HAT1: variants seen among roughly 807,000 people sequenced by gnomAD.
The protein encoded by HAT1 is histone acetyltransferase 1.
HAT1 carries 20 observed loss-of-function variants against 56.6 expected under a neutral mutation model. That is an observed-to-expected ratio of 0.35 (90% CI 0.25 to 0.51). The LOEUF (loss-of-function observed/expected upper bound fraction) is 0.51, where lower values mean the gene tolerates loss of function less well. Ranked by LOEUF, HAT1 falls within the 20% of genes least tolerant of loss-of-function variation. The pLI, the probability that HAT1 is intolerant of heterozygous loss-of-function variation, is 0.95. For missense variants in HAT1, 408 were observed against 504.3 expected, an observed-to-expected ratio of 0.81 and a Z score of 1.83; for synonymous variants, 146 against 165.5, an observed-to-expected ratio of 0.88 and a Z score of 0.91.
rs542857353 is a variant in HAT1, at chr2:171,983,189, A to G, written c.1097A>G (p.Lys366Arg). The G allele has an allele frequency of 1.4e-5, 22 of 1,542,530 alleles. No homozygotes were observed. The South Asian group carries it at 2.7e-4, about 19-fold the overall frequency. ...AAATAATTGTTTGTCACTTAGAAAA[A>G]GCAGAGAGATCTTGCTAAGATGAGA... Reference protein sequence around the residue: ...KRRLISPYKKKQRDLAKMRKC... With the variant: ...KRRLISPYKKRQRDLAKMRKC... The change falls in exon 11 of 11, where the codon AAG (lysine) becomes AGG (arginine). Residue 366 changes from lysine to arginine, a missense_variant. Transcript: ENST00000264108.
intron 3 of HAT1, among the ~76,000 whole-genome samples, chr2:171,947,605 G>A (rs976408985): frequency 5.9e-5 from 9 of 152,180 alleles, no homozygotes; most frequent in Admixed American, 2.6e-4. Context: ...CAGGCCAGGC[G>A]CAGTGGCTCA....
chr2:171,972,418 T>C (rs1296593823), intron 8 of HAT1, among the ~76,000 whole-genome samples: 1 of 152,094 alleles, frequency 6.6e-6, no homozygotes, highest in Non-Finnish European at 1.5e-5. Context: ...CATGCCACCA[T>C]ACTTGGCTAA....
At chr2:171,926,467 G>A (rs1437693430) in intron 2 of HAT1, among the ~76,000 whole-genome samples, 1 of 151,838 alleles carries the variant, frequency 6.6e-6, no homozygotes, top group African/African-American at 2.4e-5. Context: ...CTAATTTTTT[G>A]TATTTTTAGT....
chr2:171,952,955 G>C lies in HAT1; in HGVS notation c.263G>C (p.Arg88Pro). ...GCTGGTAGCCTGTCAACAATGTTCC[G>C]TGTTGAATATGCATCTAAAGTTGAT... ...YIAGSLSTMFRVEYASKVDEN... is the reference protein window; with the variant it reads ...YIAGSLSTMFPVEYASKVDEN... The change falls in exon 4 of 11, where the codon CGT (arginine) becomes CCT (proline). Residue 88 changes from arginine to proline, a missense_variant. Arg to Pro is a moderately radical substitution (Grantham distance 103). Coordinates refer to ENST00000264108, the MANE Select transcript of HAT1 (RefSeq NM_003642.4). The C allele has an allele frequency of 1.9e-6, 3 of 1,585,430 alleles. No homozygotes were observed. Among genetic ancestry groups the C allele is most frequent in the Non-Finnish European group, 2.6e-6 (3 of 1,154,406 alleles).
At chr2:171,923,326 A>G (rs1021704044) in intron 1 of HAT1, 15 of 152,168 alleles carry the variant, frequency 9.9e-5, no homozygotes, top group Admixed American at 9.8e-4. Flanking sequence ...GAGTGCAGCG[A>G]TCATAGTTCC....
At chr2:171,930,253 A>C (rs1380365041) in intron 2 of HAT1, among the ~76,000 whole-genome samples, 2 of 152,100 alleles carry the variant, frequency 1.3e-5, no homozygotes, top group Non-Finnish European at 2.9e-5. Context: ...ACTCACTGCA[A>C]CCTCTGCCTC....
At chr2:171,980,279 CT>C (rs1034468693) in intron 10 of HAT1, 27 of 152,064 alleles carry the variant, frequency 1.8e-4, no homozygotes, top group African/African-American at 6.5e-4. Flanking sequence ...TATATATTCT[CT>C]TTTTTCTCTC....
chr2:171,927,778 T>C (rs1278704243), intron 2 of HAT1, among the ~76,000 whole-genome samples: 1 of 151,344 alleles, frequency 6.6e-6, no homozygotes, highest in East Asian at 2.0e-4. Context: ...TTAGTAGAGA[T>C]AGGGTTTCGC....
chr2:171,973,946 A>G (rs10930500), intron 8 of HAT1, among the ~76,000 whole-genome samples: 33,906 of 151,964 alleles, frequency 0.22, 4,713 homozygotes, highest in African/African-American at 0.37. Flanking sequence ...TTGGGAGGCC[A>G]CAGCAGGTGG....
chr2:171,972,250 T>TG (rs1558978802), intron 8 of HAT1, among the ~76,000 whole-genome samples: 2 of 151,382 alleles, frequency 1.3e-5, no homozygotes, highest in Non-Finnish European at 3.0e-5. Flanking sequence ...TGTTGTTTTT[T>TG]TTTTTGTTTT....
intron 8 of HAT1, among the ~76,000 whole-genome samples, chr2:171,967,868 T>C (rs1687720127): frequency 6.6e-6 from 1 of 152,004 alleles, no homozygotes; most frequent in Non-Finnish European, 1.5e-5. Context: ...TTGGGAATTT[T>C]GTTTAAAGAC....
intron 8 of HAT1, among the ~76,000 whole-genome samples, 195 bp downstream of exon 8, chr2:171,967,144 A>G (rs1376820415): frequency 6.6e-6 from 1 of 152,158 alleles, no homozygotes; most frequent in Non-Finnish European, 1.5e-5. Context: ...CTAACTGTGA[A>G]GTGCATAATG....
intron 4 of HAT1, among the ~76,000 whole-genome samples, chr2:171,953,810 C>A (rs1687374036): frequency 6.6e-6 from 1 of 151,788 alleles, no homozygotes; most frequent in South Asian, 2.1e-4. Flanking sequence ...GTCTGGCCAA[C>A]ATGGTGAAAC....
chr2:171,953,113 G>C (rs1687348444), intron 4 of HAT1, 112 bp downstream of exon 4: 1 of 546,378 alleles, frequency 1.8e-6, no homozygotes, highest in African/African-American at 2.0e-5. Context: ...GGGGGACCAA[G>C]GGGGGCAGAT....
At chr2:171,940,174 T>C (rs1024939515) in intron 2 of HAT1, among the ~76,000 whole-genome samples, 1 of 152,222 alleles carries the variant, frequency 6.6e-6, no homozygotes, top group African/African-American at 2.4e-5. Context: ...TCAGTTTCCC[T>C]GATATGTAAT....
chr2:171,979,348 A>C lies in HAT1; in HGVS notation c.1077A>C (p.Leu359=), dbSNP rs756046427. Residue 359 remains leucine (L), a synonymous_variant, in exon 10 of 11, where the codon CTA becomes CTC. Coordinates refer to ENST00000264108, the MANE Select transcript of HAT1 (RefSeq NM_003642.4). The part of the protein sequence containing the change: ...RSYRLDIKRR[L]ISPYKKKQRD... The stretch of plus-strand genomic sequence containing the variant: ...ACAGACTGGATATTAAAAGAAGACT[A>C]ATTAGCCCATATAAGGTAGGACTTT... The C allele has an allele frequency of 1.3e-6, 2 of 1,534,604 alleles. No homozygotes were observed. Among genetic ancestry groups the C allele is most frequent in the Admixed American group, 3.3e-5 (2 of 59,936 alleles).
At chr2:171,962,025 A>G (rs998519101) in intron 4 of HAT1, among the ~76,000 whole-genome samples, 2 of 152,134 alleles carry the variant, frequency 1.3e-5, no homozygotes, top group South Asian at 4.1e-4. Context: ...AAATAACTAG[A>G]CAAATTTAGA....
intron 2 of HAT1, among the ~76,000 whole-genome samples, chr2:171,930,920 AT>A (rs577786818): frequency 5.8e-4 from 85 of 146,464 alleles, no homozygotes; most frequent in Non-Finnish European, 5.9e-4. Context: ...CAGCTATAGG[AT>A]TTTTTTTTTT....
At chr2:171,941,966 T>C (rs565228874) in intron 2 of HAT1, among the ~76,000 whole-genome samples, 3 of 152,132 alleles carry the variant, frequency 2.0e-5, no homozygotes, top group Non-Finnish European at 4.4e-5. Flanking sequence ...GTGCAGTGGC[T>C]CGATCTCGGC....
Sources: gnomAD v4.1 joint callset for allele counts (sites outside exome capture counted in the v4.1 genomes callset) on GRCh38, gnomAD v4.1.1 for gene constraint, MANE v1.5 for transcripts, NCBI Gene and HGNC (gene_info 2026-07-23, HGNC 2026-07-21) for gene names.